The following TMEM132D variants were observed in gnomAD, a reference collection of about 807,000 sequenced individuals.
TMEM132D encodes mature OL transmembrane protein.
In TMEM132D, 21 loss-of-function variants were observed where a neutral mutation model predicts 62.3. The ratio of observed to expected loss-of-function variants is 0.34; its 90% CI spans 0.24 to 0.49. TMEM132D has a LOEUF of 0.49. Among genes scored for constraint, TMEM132D ranks in the 20% least tolerant of loss-of-function variants. The pLI is 0.99. For synonymous variants in TMEM132D, 621 were observed against 575.6 expected (o/e 1.08, Z -1.13); for missense variants, 1,346 against 1,402.8 (o/e 0.96, Z 0.65).
At chr12:129,373,786 C>T (rs765890597) in intron 3 of TMEM132D, among the ~76,000 whole-genome samples, 30 of 152,288 alleles carry the variant, frequency 2.0e-4, no homozygotes, top group South Asian at 1.0e-3. Flanking sequence ...GAAAAGACCA[C>T]GTGCATCCTT....
At chr12:129,134,180 CTGTGTGTCTGTG>C (rs1240031732) in intron 5 of TMEM132D, among the ~76,000 whole-genome samples, 18 of 140,844 alleles carry the variant, frequency 1.3e-4, no homozygotes, top group South Asian at 4.6e-4. Flanking sequence ...GTGTGTGTGT[CTGTGTGTCTGTG>C]TGTGTGTCTG....
intron 2 of TMEM132D, among the ~76,000 whole-genome samples, chr12:129,640,110 G>T (rs959488431): frequency 1.3e-5 from 2 of 151,940 alleles, no homozygotes; most frequent in African/African-American, 4.8e-5. Context: ...AGGCTATATG[G>T]TACAGCCTTT....
intron 1 of TMEM132D, among the ~76,000 whole-genome samples, chr12:129,877,628 C>CACACACAGAGAG (rs869172595): frequency 2.7e-5 from 4 of 146,962 alleles, no homozygotes; most frequent in African/African-American, 1.0e-4. Context: ...CACACACACA[C>CACACACAGAGAG]AGAGAGAGAG....
At chr12:129,448,881 T>C (rs529875244) in intron 3 of TMEM132D, among the ~76,000 whole-genome samples, 8 of 152,324 alleles carry the variant, frequency 5.3e-5, no homozygotes, top group African/African-American at 1.4e-4. Context: ...ATTTACTAGT[T>C]GTCCCAATGC....
chr12:129,671,974 C>A (rs1371771891), intron 2 of TMEM132D, among the ~76,000 whole-genome samples: 1 of 152,156 alleles, frequency 6.6e-6, no homozygotes, highest in Non-Finnish European at 1.5e-5. Context: ...TTGGGCTGAG[C>A]CTGGCCGCTG....
At chr12:129,725,121 G>C (rs1412555068) in intron 1 of TMEM132D, among the ~76,000 whole-genome samples, 1 of 152,196 alleles carries the variant, frequency 6.6e-6, no homozygotes, top group Non-Finnish European at 1.5e-5. Flanking sequence ...CTGGGTCCCT[G>C]AATGTTTCTG....
chr12:129,456,180 C>T (rs1593016999), intron 3 of TMEM132D, among the ~76,000 whole-genome samples: 1 of 152,096 alleles, frequency 6.6e-6, no homozygotes, highest in Admixed American at 6.5e-5. Flanking sequence ...TATTACTCTC[C>T]CCACTAATGC....
chr12:129,760,451 C>T (rs1425682079), intron 1 of TMEM132D, among the ~76,000 whole-genome samples: 2 of 149,274 alleles, frequency 1.3e-5, no homozygotes, highest in Admixed American at 6.7e-5. Flanking sequence ...CCTTCCTCAG[C>T]CTCCTGAGTA....
At chr12:129,139,145 AC>A (rs1876665575) in intron 5 of TMEM132D, among the ~76,000 whole-genome samples, 2 of 152,146 alleles carry the variant, frequency 1.3e-5, no homozygotes, top group South Asian at 4.1e-4. Context: ...AGAAAAGTCA[AC>A]CCTCTCAAGT....
At chr12:129,578,512 T>C (rs1877748216) in intron 2 of TMEM132D, among the ~76,000 whole-genome samples, 1 of 151,192 alleles carries the variant, frequency 6.6e-6, no homozygotes, top group Admixed American at 6.6e-5. Flanking sequence ...ACAATACACA[T>C]GCGCACACAC....
At chr12:129,602,556 G>A (rs547363843) in intron 2 of TMEM132D, among the ~76,000 whole-genome samples, 2 of 152,276 alleles carry the variant, frequency 1.3e-5, no homozygotes, top group South Asian at 2.1e-4. Flanking sequence ...CAACTCCGGT[G>A]GCAGAAATGT....
chr12:129,475,676 TATA>T (rs565908762), intron 3 of TMEM132D, among the ~76,000 whole-genome samples: 153 of 152,316 alleles, frequency 1.0e-3, no homozygotes, highest in Non-Finnish European at 1.8e-3. Flanking sequence ...TGCTTCATCG[TATA>T]ATAATGAGTG....
chr12:129,352,465 G>C (rs987366599), intron 3 of TMEM132D, among the ~76,000 whole-genome samples: 2 of 148,640 alleles, frequency 1.3e-5, no homozygotes, highest in Admixed American at 6.7e-5. Context: ...GCATCAGAGT[G>C]AACAGGCAAC....
intron 2 of TMEM132D, among the ~76,000 whole-genome samples, chr12:129,589,739 A>G (rs552325318): frequency 6.6e-6 from 1 of 152,308 alleles, no homozygotes; most frequent in East Asian, 1.9e-4. Flanking sequence ...CTACAGCCAC[A>G]GTCCCTCGGC....
chr12:129,664,725 TAGA>T (rs1248080455), intron 2 of TMEM132D, among the ~76,000 whole-genome samples: 3 of 152,042 alleles, frequency 2.0e-5, no homozygotes, highest in Non-Finnish European at 2.9e-5. Context: ...GCGGCCGGCC[TAGA>T]AGAATATTTT....
chr12:129,765,255 A>G (rs1870513685), intron 1 of TMEM132D, among the ~76,000 whole-genome samples: 1 of 152,210 alleles, frequency 6.6e-6, no homozygotes, highest in African/African-American at 2.4e-5. Flanking sequence ...TAGCAATGCA[A>G]ATAATTTGTC....
chr12:129,242,350 G>A (rs547496828), intron 4 of TMEM132D, among the ~76,000 whole-genome samples: 1 of 152,274 alleles, frequency 6.6e-6, no homozygotes, highest in African/African-American at 2.4e-5. Flanking sequence ...GCAGGCATAT[G>A]GATAGATAGC....
At chr12:129,395,058 G>A (rs1871384605) in intron 3 of TMEM132D, among the ~76,000 whole-genome samples, 1 of 152,150 alleles carries the variant, frequency 6.6e-6, no homozygotes. Context: ...CTCTGTATAA[G>A]TGTTCCTCCA....
chr12:129,414,406 A>T (rs115080159), intron 3 of TMEM132D, among the ~76,000 whole-genome samples: 1,682 of 152,278 alleles, frequency 0.011, 33 homozygotes, highest in African/African-American at 0.038. Flanking sequence ...TTCCTTTGCA[A>T]CTAGAAGGTC....
Sources: gnomAD v4.1 joint callset for allele counts (sites outside exome capture counted in the v4.1 genomes callset) on GRCh38, gnomAD v4.1.1 for gene constraint, MANE v1.5 for transcripts, NCBI Gene and HGNC (gene_info 2026-07-23, HGNC 2026-07-21) for gene names.